UTP25: variants seen among roughly 807,000 people sequenced by gnomAD.
The protein encoded by UTP25 is U3 small nucleolar RNA-associated protein 25 homolog.
UTP25 carries 50 observed loss-of-function variants against 78.9 expected under a neutral mutation model. That is an observed-to-expected ratio of 0.63 (90% confidence interval 0.50 to 0.80). UTP25 has a LOEUF of 0.80. UTP25 is among the 30% of genes least tolerant of loss of function. The probability of loss-of-function intolerance (pLI) is 0.00; values close to 1 mark genes in which losing one functional copy is unlikely to be tolerated. For missense variants in UTP25, 846 were observed against 911.3 expected (o/e 0.93, Z 0.92); for synonymous variants, 329 against 336.5 (o/e 0.98, Z 0.24).
In UTP25 at chr1:209,828,207, A is replaced by C. The variant is rs2102564996; in HGVS notation, c.107+37A>C. The C allele has an allele frequency of 2.6e-6, 4 of 1,522,614 alleles. No individual in the cohort carries two copies. In the East Asian group the frequency reaches 6.8e-5, roughly 26 times the overall value. 94.3% of individuals were successfully genotyped at this position (1,522,614 alleles called of 1,614,324 possible). On this transcript the variant is annotated intron_variant, in intron 1 of 11. Coordinates refer to ENST00000491415, the MANE Select transcript of UTP25 (RefSeq NM_014388.7). ...CGTGGCAGGGCTCCCCAGTCGCCAG[A>C]GATGTATCCTCGAGTTTGGTCCTCT...
At chr1:209,828,377 G>T (rs2078081985) in intron 1 of UTP25, among the ~76,000 whole-genome samples, 1 of 151,298 alleles carries the variant, frequency 6.6e-6, no homozygotes, top group African/African-American at 2.4e-5. Flanking sequence ...CCTGCTAAGA[G>T]GCACGCCCGT....
intron 11 of UTP25, among the ~76,000 whole-genome samples, chr1:209,848,497 A>G (rs1411905124): frequency 2.6e-5 from 4 of 152,118 alleles, no homozygotes; most frequent in Non-Finnish European, 5.9e-5. Context: ...TGTTGTATAT[A>G]ATAATACGCA....
rs773225570 is a variant in UTP25 at position 209,843,552 on chromosome 1, G to T, written c.1883G>T (p.Arg628Leu). The T allele has an allele frequency of 1.2e-6, 2 of 1,614,004 alleles. No homozygotes were observed. The highest frequency in any genetic ancestry group is 1.3e-5 in the African/African-American group (1 of 74,906). ...IPSYFDFVRL[R>L]NYFKKEELNF... ...TCCTACTTTGACTTCGTGCGTCTTC[G>T]AAATTACTTCAAGAAGGAGGAATTG... Residue 628 changes from arginine to leucine, a missense_variant, in exon 11 of 12, where the codon CGA becomes CTA. Transcript: ENST00000491415.
chr1:209,833,361 C>T lies in UTP25; in HGVS notation c.562+3C>T, dbSNP rs1365990127. The T allele has an allele frequency of 2.6e-6, 4 of 1,542,672 alleles. No individual in the cohort carries two copies. The South Asian group carries it at 3.8e-5, about 15-fold the overall frequency. ...CTCTTCTTTGAAAGCCTCTCAAGGT[C>T]ATAGCACAGTGTGTGTTATTTGAAT... is the stretch of plus-strand genomic sequence containing the variant. On this transcript the variant is annotated splice_donor_region_variant and intron_variant, in intron 4 of 11. Coordinates refer to ENST00000491415, the MANE Select transcript of UTP25 (RefSeq NM_014388.7).
intron 11 of UTP25, among the ~76,000 whole-genome samples, chr1:209,846,897 G>A (rs2078200303): frequency 6.6e-6 from 1 of 152,246 alleles, no homozygotes; most frequent in East Asian, 1.9e-4. Context: ...GATTGTGAGG[G>A]TATTTCACAG....
intron 10 of UTP25, chr1:209,843,183 T>C (rs925128638): frequency 6.1e-6 from 3 of 488,174 alleles, no homozygotes; most frequent in Non-Finnish European, 1.1e-5. Flanking sequence ...ACTGACTGAA[T>C]AGTGTGGTGT....
At chr1:209,830,453 C>A (rs1470888459) in intron 2 of UTP25, among the ~76,000 whole-genome samples, 3 of 139,968 alleles carry the variant, frequency 2.1e-5, no homozygotes, top group East Asian at 2.1e-4. Flanking sequence ...AAAGGAGTCA[C>A]AAATACAGTG....
chr1:209,848,124 G>A (rs1456138873), intron 11 of UTP25, among the ~76,000 whole-genome samples: 1 of 152,082 alleles, frequency 6.6e-6, no homozygotes, highest in African/African-American at 2.4e-5. Context: ...CAATTAAATC[G>A]CAGTGTCTGG....
In UTP25 at chr1:209,852,429, G is replaced by A. The variant is rs555028078; in HGVS notation, c.*982G>A. 4.6e-5 allele frequency: 7 copies of A among 152,276 alleles called. No homozygotes were observed. In the East Asian group the frequency reaches 9.6e-4, roughly 21 times the overall value. 9.4% of individuals were successfully genotyped at this position (152,276 alleles called of 1,614,324 possible). ...CAGAATCCAAAAAAATTCGAAACAC[G>A]TCTGGTCCCAAGCATTTCAGATAAG... is the stretch of plus-strand genomic sequence containing the variant. On this transcript the variant is annotated 3_prime_UTR_variant, in exon 12 of 12. Transcript: ENST00000491415.
intron 4 of UTP25, among the ~76,000 whole-genome samples, chr1:209,834,733 TGAAG>T (rs1158209297): frequency 6.6e-6 from 1 of 152,130 alleles, no homozygotes; most frequent in African/African-American, 2.4e-5. Flanking sequence ...AATTTTTAGT[TGAAG>T]GAAGGAAAAG....
rs2078149942 is a variant in UTP25, at chr1:209,838,911, A to G, written c.1065A>G (p.Val355=). 1.2e-6 allele frequency: 2 copies of G among 1,614,020 alleles called. No homozygotes were observed. The highest frequency in any genetic ancestry group is 4.5e-5 in the East Asian group (2 of 44,884). Residue 355 remains valine, a splice_region_variant and synonymous_variant, in exon 7 of 12, where the codon GTA becomes GTG. Transcript: ENST00000491415. ...GGCTGCTGTTGCTGTCTGCACAGGT[A>G]CTGATAGTGGTGCCATTCCGGGAAG... The part of the protein sequence containing the change: ...FRDQGLTRPK[V]LIVVPFREAA...
intron 2 of UTP25, among the ~76,000 whole-genome samples, chr1:209,830,483 A>G (rs2078096554): frequency 6.8e-6 from 1 of 147,094 alleles, no homozygotes; most frequent in African/African-American, 2.5e-5. Flanking sequence ...CAAAGGGCCT[A>G]TCATATTACA....
In UTP25 at chr1:209,836,979, C is replaced by T. The variant is rs61745236; in HGVS notation, c.830C>T (p.Pro277Leu). 6 of 1,614,118 alleles carry T rather than the reference C, an allele frequency of 3.7e-6. No homozygotes were observed. The highest frequency in any genetic ancestry group is 2.2e-5 in the East Asian group (1 of 44,878). ...CAAAAATCAAGCAGCCCATTCACCC[C>T]CCTCCAGAAAGAACTCTTCTTAATT... ...GPQKSSSPFT[P>L]LQKELFLIMN... is the part of the protein sequence containing the mutation. The change falls in exon 6 of 12, where the codon CCC becomes CTC. Residue 277 changes from proline (P) to leucine (L), a missense_variant. Physicochemically the swap from Pro to Leu is moderately conservative, Grantham distance 98 (BLOSUM62 -3). Transcript: ENST00000491415.
intron 10 of UTP25, 107 bp downstream of exon 10, chr1:209,842,802 A>G: frequency 1.4e-6 from 1 of 731,256 alleles, no homozygotes; most frequent in Non-Finnish European, 2.3e-6. Context: ...TAACTACCAA[A>G]TCAGTTGAGA....
At position 209,853,340 on chromosome 1, in the gene UTP25, G is replaced by A. The variant is rs2078251766; in HGVS notation, c.*1893G>A. 6.6e-6 allele frequency: 1 copy of A among 152,052 alleles called. No homozygotes were observed. The highest frequency in any genetic ancestry group is 1.5e-5 in the Non-Finnish European group (1 of 68,048). 9.4% of individuals were successfully genotyped at this position (152,052 alleles called of 1,614,324 possible). A position where few individuals can be genotyped will look rare whatever the true frequency, so the allele number is the denominator to read the frequency against. ...CCTCATTCAGAAATGTGAGGCGAAG[G>A]GACTGTAATTACCTGGATCTTTTTT... On this transcript the variant is annotated 3_prime_UTR_variant, in exon 12 of 12. Coordinates refer to ENST00000491415, the MANE Select transcript of UTP25 (RefSeq NM_014388.7).
rs143873128 is a variant in UTP25, at chr1:209,830,956, G to C, written c.301G>C (p.Asp101His). ...EEEEEEDSIV[D>H]DAEMNDEDGG... ...GGAAGAGGAAGAAGACAGTATTGTA[G>C]ATGATGCAGAAATGAACGATGAAGA... Residue 101 changes from aspartate (D) to histidine (H), a missense_variant, in exon 3 of 12, where the codon GAT becomes CAT. By Grantham distance (81) the Asp-to-His change is moderately conservative. Coordinates refer to ENST00000491415, the MANE Select transcript of UTP25 (RefSeq NM_014388.7). The C allele has an allele frequency of 6.2e-7, 1 of 1,613,904 alleles. No individual in the cohort carries two copies. The highest frequency in any genetic ancestry group is 1.3e-5 in the African/African-American group (1 of 74,928).
chr1:209,842,098 T>C (rs2078170200), intron 8 of UTP25, among the ~76,000 whole-genome samples, 167 bp from the exon 9 acceptor site: 1 of 152,210 alleles, frequency 6.6e-6, no homozygotes, highest in African/African-American at 2.4e-5. Context: ...TCATTGGGGA[T>C]GTTTGGCTGA....
chr1:209,832,757 G>T (rs892806091), intron 3 of UTP25, among the ~76,000 whole-genome samples: 1 of 152,168 alleles, frequency 6.6e-6, no homozygotes, highest in Non-Finnish European at 1.5e-5. Flanking sequence ...GGTGGTGCAT[G>T]CCTGTAGTTT....
intron 11 of UTP25, among the ~76,000 whole-genome samples, chr1:209,850,260 A>G (rs1040997204): frequency 6.6e-6 from 1 of 152,214 alleles, no homozygotes. Context: ...AGTTTATTCA[A>G]GTTCATTAGC....
Sources: gnomAD v4.1 joint callset for allele counts (sites outside exome capture counted in the v4.1 genomes callset) on GRCh38, gnomAD v4.1.1 for gene constraint, MANE v1.5 for transcripts, NCBI Gene and HGNC (gene_info 2026-07-23, HGNC 2026-07-21) for gene names.